HGD: variants seen among roughly 807,000 people sequenced by gnomAD.
HGD encodes homogentisate oxidase.
In HGD, 61 loss-of-function variants were observed where a neutral mutation model predicts 60.8. That is an observed-to-expected ratio of 1.00 (90% confidence interval 0.82 to 1.24). The LOEUF is 1.24. HGD is among the 50% of genes most tolerant of loss of function. HGD has a pLI of 0.00. For synonymous variants in HGD, 212 were observed against 187.7 expected (o/e 1.13, Z -1.06); for missense variants, 542 against 547.1 (o/e 0.99, Z 0.09).
At chr3:120,651,710 T>G (rs1941347724) in intron 5 of HGD, among the ~76,000 whole-genome samples, 2 of 152,154 alleles carry the variant, frequency 1.3e-5, no homozygotes, top group Admixed American at 6.5e-5. Context: ...CTGGTCTCTT[T>G]GAGCCCCACT....
intron 1 of HGD, among the ~76,000 whole-genome samples, chr3:120,680,522 A>G (rs531766688): frequency 7.2e-5 from 11 of 152,362 alleles, no homozygotes; most frequent in African/African-American, 2.6e-4. Flanking sequence ...GATTTTACAT[A>G]AAATTTATTT....
chr3:120,638,172 G>T (rs1940843666), intron 12 of HGD, among the ~76,000 whole-genome samples: 2 of 152,128 alleles, frequency 1.3e-5, no homozygotes, highest in Admixed American at 1.3e-4. Flanking sequence ...GCACCATGCT[G>T]CTTGTACAGC....
intron 11 of HGD, among the ~76,000 whole-genome samples, chr3:120,640,177 C>T (rs1463456397): frequency 4.2e-4 from 61 of 145,626 alleles, no homozygotes; most frequent in Admixed American, 1.4e-3. Flanking sequence ...AGCATATGTA[C>T]CCTTGAACCT....
chr3:120,628,599 C>A, intron 13 of HGD, 70 bp from the exon 14 acceptor site: 1 of 1,527,898 alleles, frequency 6.5e-7, no homozygotes, highest in East Asian at 2.2e-5. Context: ...GATTAGATGT[C>A]AACAGAAGGT....
Position 120,649,527 on chromosome 3 carries a change from G to T in HGD, c.434+1247C>A, listed in dbSNP as rs945555140. Among the ~76,000 whole-genome samples the T allele has an allele frequency of 3.3e-5, 5 of 152,080 alleles. No homozygotes were observed. In the South Asian group the frequency reaches 1.0e-3, roughly 32 times the overall value. On this transcript the variant is annotated intron_variant, in intron 6 of 13. Coordinates refer to ENST00000283871, the MANE Select transcript of HGD (RefSeq NM_000187.4). The stretch of plus-strand genomic sequence containing the variant: ...TCCAGTTTGGAGGTGTATTCTAAAT[G>T]GTCTACTCCATTGTTTTTTCTCCCC...
chr3:120,629,379 C>T (rs1940514696), intron 13 of HGD, among the ~76,000 whole-genome samples: 1 of 152,178 alleles, frequency 6.6e-6, no homozygotes. Flanking sequence ...TCTTGTGCTA[C>T]AACCCAAAGC....
At chr3:120,664,182 A>G (rs1310600927) in intron 4 of HGD, among the ~76,000 whole-genome samples, 1 of 152,112 alleles carries the variant, frequency 6.6e-6, no homozygotes. Context: ...TACAGGGAGG[A>G]AGAGAGAAGC....
At chr3:120,676,211 A>G (rs1708127623) in intron 1 of HGD, among the ~76,000 whole-genome samples, 2 of 152,212 alleles carry the variant, frequency 1.3e-5, no homozygotes. Flanking sequence ...GCATCTATGA[A>G]GAGGTGTGTG....
intron 4 of HGD, among the ~76,000 whole-genome samples, chr3:120,658,973 C>T (rs2107530680): frequency 6.6e-6 from 1 of 152,356 alleles, no homozygotes; most frequent in East Asian, 1.9e-4. Context: ...GGCCCTGGGC[C>T]TGGCCCACAA....
In HGD at chr3:120,644,396, A is replaced by T; in HGVS notation, c.697T>A (p.Trp233Arg). 6.2e-7 allele frequency: 1 copy of T among 1,614,172 alleles called. No individual in the cohort carries two copies. The highest frequency in any genetic ancestry group is 8.5e-7 in the Non-Finnish European group (1 of 1,179,998). Residue 233 changes from tryptophan to arginine, a missense_variant, in exon 10 of 14, where the codon TGG (tryptophan) becomes AGG (arginine). By Grantham distance (101) the Trp-to-Arg change is moderately radical. Around this residue, in one of 2 missense-constraint regions of HGD, gnomAD observed 537 missense variants for 529.1 expected, o/e 1.01. Coordinates refer to ENST00000283871, the MANE Select transcript of HGD (RefSeq NM_000187.4). Reference protein sequence around the residue: ...NPRDFLIPIAWYEDRQVPGGY... With the variant: ...NPRDFLIPIARYEDRQVPGGY... ...CCTGGTACTTGGCGATCCTCATACC[A>T]GGCAATGGGTATCAAGAAATCACGA... is the stretch of plus-strand genomic sequence containing the variant.
intron 6 of HGD, among the ~76,000 whole-genome samples, chr3:120,648,604 T>A (rs1941237366): frequency 6.6e-6 from 1 of 152,220 alleles, no homozygotes; most frequent in Admixed American, 6.5e-5. Context: ...CTCCTCTACT[T>A]AAGAATTTTA....
intron 9 of HGD, among the ~76,000 whole-genome samples, chr3:120,645,924 T>C (rs553670715): frequency 1.3e-5 from 2 of 152,332 alleles, no homozygotes; most frequent in African/African-American, 4.8e-5. Flanking sequence ...ATTAGTCAAA[T>C]TCTCATCTCT....
chr3:120,654,121 A>G (rs1299894993), intron 4 of HGD, among the ~76,000 whole-genome samples: 2 of 152,176 alleles, frequency 1.3e-5, no homozygotes, highest in Non-Finnish European at 2.9e-5. Context: ...TTCCTTCTAT[A>G]GTAACAGAGC....
At position 120,633,299 on chromosome 3, in the gene HGD, T is replaced by C; in HGVS notation, c.1036A>G (p.Ile346Val). 1 of 1,614,174 alleles carries C rather than the reference T, an allele frequency of 6.2e-7. No individual in the cohort carries two copies. The highest frequency in any genetic ancestry group is 8.5e-7 in the Non-Finnish European group (1 of 1,180,014). The change falls in exon 13 of 14, where the codon ATC becomes GTC. Residue 346 changes from isoleucine (I) to valine (V), a missense_variant. By Grantham distance (29) the Ile-to-Val change is conservative. Coordinates refer to ENST00000283871, the MANE Select transcript of HGD (RefSeq NM_000187.4). ...TGCTTTGCCTCATAGTGACCTCGGA[T>C]GAGTCCCATGAACTCACTCATGCAG... Reference protein sequence around the residue: ...RNCMSEFMGLIRGHYEAKQGG... With the variant: ...RNCMSEFMGLVRGHYEAKQGG...
intron 5 of HGD, among the ~76,000 whole-genome samples, chr3:120,652,263 G>A (rs952417689): frequency 2.6e-5 from 4 of 151,930 alleles, no homozygotes; most frequent in African/African-American, 9.7e-5. Flanking sequence ...TATAAACAAA[G>A]ACATCATCAG....
chr3:120,674,789 A>G, intron 3 of HGD, 112 bp downstream of exon 3: 1 of 757,758 alleles, frequency 1.3e-6, no homozygotes, highest in Non-Finnish European at 2.4e-6. Context: ...AGCCTATAAG[A>G]AGCAGGATCT....
chr3:120,651,353 T>C (rs1167749008), intron 5 of HGD, among the ~76,000 whole-genome samples: 3 of 152,184 alleles, frequency 2.0e-5, no homozygotes, highest in Non-Finnish European at 4.4e-5. Context: ...TCAGATGGAC[T>C]GTAATTCTCT....
chr3:120,677,527 C>G (rs1708154223), intron 1 of HGD, among the ~76,000 whole-genome samples: 1 of 152,166 alleles, frequency 6.6e-6, no homozygotes, highest in African/African-American at 2.4e-5. Flanking sequence ...AAATTTTGGT[C>G]AGACCAGTTG....
intron 1 of HGD, among the ~76,000 whole-genome samples, 198 bp from the exon 2 acceptor site, chr3:120,676,061 C>T (rs1323899600): frequency 6.6e-6 from 1 of 152,176 alleles, no homozygotes; most frequent in Non-Finnish European, 1.5e-5. Flanking sequence ...TTAAAGACTT[C>T]TAATTAATCA....
Sources: gnomAD v4.1 joint callset for allele counts (sites outside exome capture counted in the v4.1 genomes callset) on GRCh38, gnomAD v4.1.1 for gene constraint, gnomAD v4.1.1 regional missense constraint, MANE v1.5 for transcripts, NCBI Gene and HGNC (gene_info 2026-07-23, HGNC 2026-07-21) for gene names.